ACBD6: variants seen among roughly 807,000 people sequenced by gnomAD.
ACBD6 encodes the protein acyl-CoA binding domain containing 6.
ACBD6 carries 28 observed loss-of-function variants against 37.2 expected under a neutral mutation model. The ratio of observed to expected loss-of-function variants is 0.75; its 90% confidence interval spans 0.56 to 1.03. The LOEUF (loss-of-function observed/expected upper bound fraction) is 1.03. Among genes scored for constraint, ACBD6 ranks in the 50% least tolerant of loss-of-function variants. ACBD6 has a pLI of 0.00. For missense variants in ACBD6, 340 were observed against 337.4 expected (o/e 1.01, Z -0.06); for synonymous variants, 113 against 126.8 (o/e 0.89, Z 0.73).
At chr1:180,445,581 A>C (rs900147748) in intron 3 of ACBD6, among the ~76,000 whole-genome samples, 3 of 152,318 alleles carry the variant, frequency 2.0e-5, no homozygotes, top group East Asian at 1.9e-4. Context: ...TAAATATAAT[A>C]CACTAAGACT....
intron 6 of ACBD6, among the ~76,000 whole-genome samples, chr1:180,369,216 C>T (rs1268761652): frequency 6.6e-6 from 1 of 152,210 alleles, no homozygotes; most frequent in East Asian, 1.9e-4. Context: ...GGGCTCCAAC[C>T]CATATCACAA....
intron 6 of ACBD6, among the ~76,000 whole-genome samples, chr1:180,382,188 A>T (rs1653683450): frequency 6.6e-6 from 1 of 151,884 alleles, no homozygotes; most frequent in Non-Finnish European, 1.5e-5. Context: ...GAAATAATAA[A>T]TCACAGCAAA....
intron 5 of ACBD6, among the ~76,000 whole-genome samples, chr1:180,403,482 G>A (rs762790901): frequency 1.6e-4 from 25 of 152,156 alleles, no homozygotes; most frequent in Non-Finnish European, 3.4e-4. Context: ...TCTAGATATT[G>A]ATAAAGCAAG....
intron 3 of ACBD6, among the ~76,000 whole-genome samples, chr1:180,472,789 G>T (rs567095446): frequency 6.6e-6 from 1 of 152,076 alleles, no homozygotes; most frequent in African/African-American, 2.4e-5. Flanking sequence ...TATTATTATT[G>T]TAAGACTTCA....
intron 3 of ACBD6, among the ~76,000 whole-genome samples, chr1:180,442,192 TTTG>T (rs1425554866): frequency 2.0e-5 from 3 of 152,236 alleles, no homozygotes; most frequent in African/African-American, 7.2e-5. Flanking sequence ...CTTTCAACAA[TTTG>T]TTATGTATTG....
At chr1:180,419,437 T>C (rs1319007088) in intron 4 of ACBD6, among the ~76,000 whole-genome samples, 7 of 152,190 alleles carry the variant, frequency 4.6e-5, no homozygotes, top group African/African-American at 1.7e-4. Flanking sequence ...ATTTAAATAA[T>C]GGTGTGCAGG....
In ACBD6 at chr1:180,498,736, T is replaced by C. The variant is rs116275090; in HGVS notation, c.223-3211A>G. Among the ~76,000 whole-genome samples, 531 of 151,478 alleles carry C rather than the reference T, an allele frequency of 3.5e-3. 3 individuals are homozygous for C. Among genetic ancestry groups the C allele is most frequent in the African/African-American group, 0.012 (509 of 41,238 alleles). On this transcript the variant is annotated intron_variant, in intron 1 of 7. Transcript: ENST00000367595. ...AATCAGGTGCGGTGGCAGACACCTG[T>C]AATCACAGCTACTCGGGAAGCTGAG... is the stretch of plus-strand genomic sequence containing the variant.
At chr1:180,321,265 G>A (rs886905271) in intron 6 of ACBD6, among the ~76,000 whole-genome samples, 5 of 152,082 alleles carry the variant, frequency 3.3e-5, no homozygotes, top group African/African-American at 1.2e-4. Flanking sequence ...CATAGCTTTG[G>A]CTATACTGGG....
chr1:180,309,052 T>C (rs1035872324), intron 7 of ACBD6, among the ~76,000 whole-genome samples: 5 of 152,178 alleles, frequency 3.3e-5, no homozygotes. Flanking sequence ...GAAAAAGGTT[T>C]TCATCTTATT....
intron 6 of ACBD6, among the ~76,000 whole-genome samples, chr1:180,389,737 T>C (rs1026676660): frequency 6.6e-5 from 10 of 152,368 alleles, no homozygotes; most frequent in African/African-American, 2.4e-4. Flanking sequence ...TTGATTTGCA[T>C]TTCTCTGATG....
intron 3 of ACBD6, among the ~76,000 whole-genome samples, chr1:180,441,468 C>T (rs1649277478): frequency 6.6e-6 from 1 of 152,160 alleles, no homozygotes; most frequent in Non-Finnish European, 1.5e-5. Flanking sequence ...TTGACTTGGA[C>T]AGCGCTGCCA....
chr1:180,294,595 A>G (rs1649846967), intron 7 of ACBD6, among the ~76,000 whole-genome samples: 1 of 151,904 alleles, frequency 6.6e-6, no homozygotes, highest in African/African-American at 2.4e-5. Flanking sequence ...TAAGTTATCT[A>G]TTTCATTGGT....
intron 5 of ACBD6, among the ~76,000 whole-genome samples, chr1:180,403,495 T>C (rs551370613): frequency 1.4e-4 from 22 of 152,304 alleles, no homozygotes; most frequent in Admixed American, 1.0e-3. Context: ...AAAGCAAGCA[T>C]AGTAAAATAT....
chr1:180,314,920 T>G (rs1027222743), intron 6 of ACBD6, among the ~76,000 whole-genome samples, 198 bp from the exon 7 acceptor site: 1 of 152,190 alleles, frequency 6.6e-6, no homozygotes, highest in Non-Finnish European at 1.5e-5. Flanking sequence ...TGATAACTTG[T>G]GCACTGTAGC....
intron 7 of ACBD6, among the ~76,000 whole-genome samples, chr1:180,296,665 A>T (rs1372908221): frequency 1.3e-5 from 2 of 151,948 alleles, no homozygotes; most frequent in Non-Finnish European, 2.9e-5. Context: ...TCTTGACCTC[A>T]AGTGACCCGC....
intron 6 of ACBD6, among the ~76,000 whole-genome samples, chr1:180,356,422 T>G (rs571995307): frequency 6.6e-6 from 1 of 152,044 alleles, no homozygotes; most frequent in African/African-American, 2.4e-5. Context: ...TCCACCTGCC[T>G]CAGCCTCCCA....
intron 1 of ACBD6, among the ~76,000 whole-genome samples, chr1:180,499,466 T>G (rs575620605): frequency 6.6e-6 from 1 of 152,200 alleles, no homozygotes; most frequent in African/African-American, 2.4e-5. Context: ...TCATATTATC[T>G]GGATGAAGTG....
intron 6 of ACBD6, among the ~76,000 whole-genome samples, chr1:180,332,323 C>A (rs1484600656): frequency 6.6e-6 from 1 of 152,168 alleles, no homozygotes; most frequent in Non-Finnish European, 1.5e-5. Context: ...GTTCTTCAGA[C>A]AGCAGTTAAA....
At chr1:180,445,524 G>A (rs1428373386) in intron 3 of ACBD6, among the ~76,000 whole-genome samples, 1 of 152,074 alleles carries the variant, frequency 6.6e-6, no homozygotes, top group East Asian at 1.9e-4. Context: ...TCAATTATAA[G>A]AAGCACCATT....
Sources: allele counts gnomAD v4.1 joint callset (sites outside exome capture counted in the v4.1 genomes callset), GRCh38; gene constraint gnomAD v4.1.1; transcripts MANE v1.5; gene names NCBI Gene and HGNC (gene_info 2026-07-23, HGNC 2026-07-21).